CDH26: variants seen among roughly 807,000 people sequenced by gnomAD.
CDH26 encodes the protein cadherin 26.
In CDH26, 83 loss-of-function variants were observed where a neutral mutation model predicts 90.3. That is an observed-to-expected ratio of 0.92 (90% CI 0.77 to 1.10). The LOEUF (loss-of-function observed/expected upper bound fraction) is 1.10, where lower values mean the gene tolerates loss of function less well. Ranked by LOEUF, CDH26 falls within the 50% of genes least tolerant of loss-of-function variation. The pLI, the probability that CDH26 is intolerant of heterozygous loss-of-function variation, is 0.00. For synonymous variants in CDH26, 397 were observed against 396.3 expected (o/e 1.00, Z -0.02); for missense variants, 1,013 against 1,037.6 (o/e 0.98, Z 0.33).
chr20:59,977,407 C>G (rs2061340101), intron 4 of CDH26, among the ~76,000 whole-genome samples: 1 of 152,122 alleles, frequency 6.6e-6, no homozygotes, highest in African/African-American at 2.4e-5. Context: ...CAGCCTTCAA[C>G]AAACAAAAGC....
At chr20:60,028,934 T>A (rs1379502578) in intron 7 of CDH26, among the ~76,000 whole-genome samples, 2 of 152,106 alleles carry the variant, frequency 1.3e-5, no homozygotes, top group Non-Finnish European at 2.9e-5. Context: ...AAAACCTCAA[T>A]GTCCACAGAT....
chr20:60,021,855 C>CACACACACACACACACACACACACACAT (rs1569068533), intron 7 of CDH26, among the ~76,000 whole-genome samples: 773 of 58,792 alleles, frequency 0.013, 128 homozygotes, highest in Non-Finnish European at 0.022. Flanking sequence ...TCTGTACACA[C>CACACACACACACACACACACACACACAT]ACACACACAC....
chr20:59,979,601 CTTTTTTTTTTTTTTTTTTTTT>C (rs559969476), intron 4 of CDH26, among the ~76,000 whole-genome samples: 22 of 47,498 alleles, frequency 4.6e-4, no homozygotes, highest in South Asian at 3.7e-3. Context: ...CTGCTATGCA[CTTTTTTTTTTTTTTTTTTTTT>C]TTTTTTTTTT....
At chr20:59,999,417 A>G (rs1400386577) in intron 13 of CDH26, among the ~76,000 whole-genome samples, 169 bp from the exon 14 acceptor site, 1 of 152,210 alleles carries the variant, frequency 6.6e-6, no homozygotes, top group Non-Finnish European at 1.5e-5. Flanking sequence ...CTTTTCCCAC[A>G]TAAGTCATCC....
At chr20:59,970,828 A>G (rs2061252686) in intron 3 of CDH26, among the ~76,000 whole-genome samples, 1 of 150,644 alleles carries the variant, frequency 6.6e-6, no homozygotes, top group Non-Finnish European at 1.5e-5. Context: ...AAATAAATAA[A>G]TAAATAAATA....
intron 17 of CDH26, among the ~76,000 whole-genome samples, chr20:60,007,088 C>A: frequency 6.6e-6 from 1 of 152,146 alleles, no homozygotes; most frequent in East Asian, 1.9e-4. Flanking sequence ...GAGAGAGATA[C>A]CAAGCTCCCT....
In CDH26 at chr20:60,013,031, A is replaced by C. The variant is rs1316170600; in HGVS notation, c.*301A>C. The C allele has an allele frequency of 1.2e-5, 3 of 256,550 alleles. No individual in the cohort carries two copies. Among genetic ancestry groups the C allele is most frequent in the African/African-American group, 6.8e-5 (3 of 44,328 alleles). The allele number at this position is 256,550 out of a possible 1,614,324, so 15.9% of individuals were successfully genotyped here. ...GGCAGCCTAGCTTTGAGGGTAAATG[A>C]AAATATAACCCATAGATTACCCAGC... On this transcript the variant is annotated 3_prime_UTR_variant, in exon 18 of 18. Coordinates refer to ENST00000348616, the MANE Select transcript of CDH26 (RefSeq NM_177980.4).
intron 7 of CDH26, among the ~76,000 whole-genome samples, chr20:60,024,955 CCCT>C (rs1187866183): frequency 6.6e-6 from 1 of 152,150 alleles, no homozygotes; most frequent in African/African-American, 2.4e-5. Flanking sequence ...AGCAGGTGCG[CCCT>C]CCTCTGCCTC....
chr20:60,033,594 C>T (rs542545477), exon 9 of CDH26: 4 of 1,304,718 alleles, frequency 3.1e-6, no homozygotes, highest in East Asian at 5.5e-5. Flanking sequence ...TCCCCATCAC[C>T]CCTTAACAAA....
chr20:59,986,387 T>A (rs6064873), intron 7 of CDH26, among the ~76,000 whole-genome samples: 1,528 of 152,334 alleles, frequency 0.01, 14 homozygotes, highest in Middle Eastern at 0.02. Flanking sequence ...GGCTAAGAGA[T>A]AAAATAAGAA....
Position 59,996,741 on chromosome 20 carries a change from A to G in CDH26, c.1999A>G (p.Ser667Gly), listed in dbSNP as rs146920403. ...HQTLVMYNAESKGTSAQTWSD... is the reference protein window; with the variant it reads ...HQTLVMYNAEGKGTSAQTWSD... ...AACACTGGTCATGTATAATGCGGAG[A>G]GCAAAGGCACTTCAGCCCAGGTAGT... The change falls in exon 13 of 18, where the codon AGC becomes GGC. Residue 667 changes from serine to glycine, a missense_variant. Physicochemically the swap from Ser to Gly is moderately conservative, Grantham distance 56. Transcript: ENST00000348616. 1.9e-6 allele frequency: 3 copies of G among 1,614,114 alleles called. No homozygotes were observed. The highest frequency in any genetic ancestry group is 2.5e-6 in the Non-Finnish European group (3 of 1,180,054).
At position 59,996,171 on chromosome 20, in the gene CDH26, G is replaced by C. The variant is rs986754968; in HGVS notation, c.1888+117G>C. The C allele has an allele frequency of 4.5e-6, 5 of 1,122,472 alleles. No homozygotes were observed. In the African/African-American group the frequency reaches 7.8e-5, roughly 18 times the overall value. The allele number at this position is 1,122,472 out of a possible 1,614,324, so 69.5% of individuals were successfully genotyped here. On this transcript the variant is annotated intron_variant, in intron 12 of 17. Coordinates refer to ENST00000348616, the MANE Select transcript of CDH26 (RefSeq NM_177980.4). ...GTGGCAGGATTGGTGGAATGGCTTTGAGAATGACTTCTGGGTGTACTCAGG... is the reference window on the plus strand; with the variant it reads ...GTGGCAGGATTGGTGGAATGGCTTTCAGAATGACTTCTGGGTGTACTCAGG...
Position 60,031,285 on chromosome 20 carries a change from A to T in CDH26, c.1003A>T (p.Arg335Ter), listed in dbSNP as rs1569073277. The T allele has an allele frequency of 7.8e-7, 1 of 1,283,426 alleles. No individual in the cohort carries two copies. Among genetic ancestry groups the T allele is most frequent in the African/African-American group, 1.5e-5 (1 of 64,810 alleles). 79.5% of individuals were successfully genotyped at this position (1,283,426 alleles called of 1,614,324 possible). A position where few individuals can be genotyped will look rare whatever the true frequency, so the allele number is the denominator to read the frequency against. ...CAGGGGCTGCATCATCCCCCAGGGA[A>T]GAGCCACAGCTGGGCGAGGATTGCC... Residue 335 changes from arginine (R) to a stop codon, truncating the protein, a stop_gained, in exon 8 of 9, where the codon AGA becomes TGA. Transcript: ENST00000370991. LOFTEE classifies it high-confidence loss of function.
chr20:59,998,554 C>G (rs2061632322), intron 13 of CDH26, among the ~76,000 whole-genome samples: 1 of 152,184 alleles, frequency 6.6e-6, no homozygotes, highest in Non-Finnish European at 1.5e-5. Flanking sequence ...TCATGCTGGG[C>G]AAGGGGCTCT....
chr20:59,983,769 A>G (rs1458769050), intron 5 of CDH26, among the ~76,000 whole-genome samples: 1 of 152,146 alleles, frequency 6.6e-6, no homozygotes, highest in African/African-American at 2.4e-5. Flanking sequence ...TACACATTGT[A>G]TATGCGTATA....
Position 59,983,146 on chromosome 20 carries a change from T to C in CDH26, c.541+76T>C, listed in dbSNP as rs958448300. 4 of 1,498,016 alleles carry C rather than the reference T, an allele frequency of 2.7e-6. No homozygotes were observed. The African/African-American group carries it at 4.2e-5, about 16-fold the overall frequency. 92.8% of individuals were successfully genotyped at this position (1,498,016 alleles called of 1,614,324 possible). A position where few individuals can be genotyped will look rare whatever the true frequency, so the allele number is the denominator to read the frequency against. ...CTTTTCATTAATATTGATGAGGAGC[T>C]TGATCCTAGTCATCTTCAGGGAGAG... On this transcript the variant is annotated intron_variant, in intron 5 of 17. Transcript: ENST00000348616.
At chr20:59,987,381 C>T in intron 7 of CDH26, 72 bp from the exon 8 acceptor site, 1 of 1,241,500 alleles carries the variant, frequency 8.1e-7, no homozygotes, top group Non-Finnish European at 1.1e-6. Context: ...TTCTCTCCCT[C>T]CTTCCTCTCT....
rs758154848 is a variant in CDH26 at position 59,987,518 on chromosome 20, A to G, written c.903A>G (p.Arg301=). 9 of 1,613,860 alleles carry G rather than the reference A, an allele frequency of 5.6e-6. 1 individual carries two copies. In the Admixed American group the frequency reaches 1.5e-4, roughly 27 times the overall value. Residue 301 remains arginine (R), a synonymous_variant, in exon 8 of 18, where the codon CGA becomes CGG. Transcript: ENST00000348616. ...TGTTGCGTCTCCTGGTTCAAGATCG[A>G]GATTCTCCATTTACATCAGCTTGGA... The part of the protein sequence containing the change: ...QGVLRLLVQD[R]DSPFTSAWRA...
intron 14 of CDH26, among the ~76,000 whole-genome samples, chr20:60,000,956 T>C (rs2061668265): frequency 6.6e-6 from 1 of 152,224 alleles, no homozygotes; most frequent in Non-Finnish European, 1.5e-5. Context: ...AGCGTCACTA[T>C]TAAAATAACA....
Sources: gnomAD v4.1 joint callset for allele counts (sites outside exome capture counted in the v4.1 genomes callset) on GRCh38, gnomAD v4.1.1 for gene constraint, MANE v1.5 for transcripts, NCBI Gene and HGNC (gene_info 2026-07-23, HGNC 2026-07-21) for gene names.